Variants in SOX6 observed in about 807,000 individuals in gnomAD.
SOX6 encodes the protein SRY-box transcription factor 6, also known as transcription factor SOX-6.
A neutral mutation model predicts 97.8 loss-of-function variants in SOX6; 11 were observed. The observed-to-expected ratio is 0.11, with a 90% CI of 0.07 to 0.19. SOX6 has a LOEUF of 0.19. Among genes scored for constraint, SOX6 ranks in the 10% least tolerant of loss-of-function variants. The pLI is 1.00. For missense variants in SOX6, 810 were observed against 1,039.5 expected (o/e 0.78, Z 3.04); for synonymous variants, 360 against 371.4 (o/e 0.97, Z 0.35).
intron 13 of SOX6, among the ~76,000 whole-genome samples, chr11:16,002,247 T>C (rs1321198069): frequency 6.6e-6 from 1 of 152,190 alleles, no homozygotes; most frequent in Non-Finnish European, 1.5e-5. Flanking sequence ...GTTAATGTTT[T>C]TCATCTGAGC....
intron 1 of SOX6, among the ~76,000 whole-genome samples, chr11:16,353,462 A>C (rs532523109): frequency 6.6e-6 from 1 of 152,210 alleles, no homozygotes; most frequent in South Asian, 2.1e-4. Context: ...AGCTGAAGAA[A>C]GGTTTTTACC....
At chr11:16,223,085 G>A (rs1001808509) in intron 4 of SOX6, among the ~76,000 whole-genome samples, 2 of 151,882 alleles carry the variant, frequency 1.3e-5, no homozygotes, top group African/African-American at 2.4e-5. Flanking sequence ...AATTTTCTAG[G>A]TATATATAAT....
chr11:16,070,566 G>A lies in SOX6; in HGVS notation c.1102-14665C>T, dbSNP rs111646597. ...GGGCCAAGATGGTAGACTAGAAGCA[G>A]CCCATGTGTGCTGCTCTCACAGAGA... On this transcript the variant is annotated intron_variant, in intron 9 of 15. Coordinates refer to ENST00000683767, the MANE Select transcript of SOX6 (RefSeq NM_001367873.1). 7.6e-3 allele frequency among the ~76,000 whole-genome samples: 1,154 copies of A among 152,232 alleles called. 18 individuals carry two copies. The highest frequency in any genetic ancestry group is 0.027 in the African/African-American group (1,103 of 41,530).
At chr11:16,209,623 T>C (rs1052505214) in intron 4 of SOX6, among the ~76,000 whole-genome samples, 4 of 152,028 alleles carry the variant, frequency 2.6e-5, no homozygotes, top group African/African-American at 9.7e-5. Flanking sequence ...GGCGTGGTGG[T>C]GAGTGCCTGT....
intron 2 of SOX6, among the ~76,000 whole-genome samples, chr11:16,732,447 T>A (rs895875237): frequency 1.3e-5 from 2 of 152,174 alleles, no homozygotes; most frequent in African/African-American, 4.8e-5. Flanking sequence ...TCTACAACTA[T>A]CTGATCTTTG....
At chr11:16,334,115 T>C (rs189585492) in intron 2 of SOX6, among the ~76,000 whole-genome samples, 59 of 152,136 alleles carry the variant, frequency 3.9e-4, no homozygotes, top group African/African-American at 1.4e-3. Flanking sequence ...TTGGATCTTA[T>C]ACAGACTTAA....
intron 1 of SOX6, chr11:16,408,659 A>G (rs1468995368): frequency 1.3e-5 from 2 of 152,054 alleles, no homozygotes; most frequent in Non-Finnish European, 2.9e-5. Flanking sequence ...ATGAAATGAG[A>G]TGAAACATGG....
At chr11:16,331,641 T>A (rs935551685) in intron 2 of SOX6, among the ~76,000 whole-genome samples, 3 of 147,640 alleles carry the variant, frequency 2.0e-5, no homozygotes, top group Non-Finnish European at 3.0e-5. Context: ...CTAGAACAAG[T>A]ACAAAGAGAC....
chr11:16,076,647 T>C (rs1193216417), intron 9 of SOX6, among the ~76,000 whole-genome samples: 2 of 151,494 alleles, frequency 1.3e-5, no homozygotes, highest in Non-Finnish European at 2.9e-5. Flanking sequence ...CCTAGGAAAC[T>C]TATAATCATG....
intron 3 of SOX6, among the ~76,000 whole-genome samples, chr11:16,641,017 G>T (rs904044965): frequency 3.3e-5 from 5 of 152,116 alleles, no homozygotes; most frequent in African/African-American, 1.2e-4. Flanking sequence ...GTCCATTTTA[G>T]ATCTTTCCTG....
At chr11:16,113,590 A>C (rs1474639636) in intron 6 of SOX6, among the ~76,000 whole-genome samples, 1 of 152,174 alleles carries the variant, frequency 6.6e-6, no homozygotes, top group African/African-American at 2.4e-5. Flanking sequence ...AATAAAACAC[A>C]ATATTTTTAT....
intron 9 of SOX6, among the ~76,000 whole-genome samples, chr11:16,072,637 A>T (rs573131715): frequency 2.6e-5 from 4 of 152,206 alleles, no homozygotes; most frequent in African/African-American, 9.6e-5. Context: ...TCCCTAAGAC[A>T]TACAGTCATC....
At chr11:16,081,393 T>G (rs1046722662) in intron 9 of SOX6, among the ~76,000 whole-genome samples, 1 of 152,098 alleles carries the variant, frequency 6.6e-6, no homozygotes, top group African/African-American at 2.4e-5. Context: ...TTATTGTCAA[T>G]TTAAAGATGA....
At chr11:16,302,984 T>G (rs1303400639) in intron 3 of SOX6, among the ~76,000 whole-genome samples, 2 of 152,168 alleles carry the variant, frequency 1.3e-5, no homozygotes, top group African/African-American at 4.8e-5. Context: ...AAAAACAATA[T>G]TTATCTCTGT....
chr11:16,136,567 T>G lies in SOX6; in HGVS notation c.778-24644A>C, dbSNP rs189598188. Among the ~76,000 whole-genome samples the G allele has an allele frequency of 2.6e-3, 389 of 152,112 alleles. 1 individual carries two copies. The highest frequency in any genetic ancestry group is 4.4e-3 in the Non-Finnish European group (297 of 67,994). On this transcript the variant is annotated intron_variant, in intron 6 of 15. Coordinates refer to ENST00000683767, the MANE Select transcript of SOX6 (RefSeq NM_001367873.1). ...AAGCACATGCCTAATTTTTGAAAATTTTTTTGTAGAGATATGGTCACACCC... is the reference window on the plus strand; with the variant it reads ...AAGCACATGCCTAATTTTTGAAAATGTTTTTGTAGAGATATGGTCACACCC...
intron 1 of SOX6, among the ~76,000 whole-genome samples, chr11:16,377,033 A>G (rs1356310671): frequency 2.0e-5 from 3 of 152,040 alleles, no homozygotes; most frequent in Non-Finnish European, 4.4e-5. Flanking sequence ...TTTTATTTAA[A>G]AAAAAAAAGT....
chr11:16,338,434 C>T (rs1856532271), intron 2 of SOX6, among the ~76,000 whole-genome samples: 1 of 151,750 alleles, frequency 6.6e-6, no homozygotes. Context: ...TGTTTTTTTT[C>T]CTGTAAGTGT....
intron 9 of SOX6, among the ~76,000 whole-genome samples, chr11:16,081,894 T>G (rs1848479997): frequency 6.6e-6 from 1 of 152,162 alleles, no homozygotes; most frequent in Non-Finnish European, 1.5e-5. Flanking sequence ...AATTTTATCG[T>G]TTCCACATTA....
chr11:16,043,862 T>G (rs1336549810), intron 12 of SOX6, among the ~76,000 whole-genome samples: 1 of 152,054 alleles, frequency 6.6e-6, no homozygotes, highest in Non-Finnish European at 1.5e-5. Flanking sequence ...CAAGGTCATG[T>G]CCTCTTCCCA....
Sources: gnomAD v4.1 joint callset for allele counts (sites outside exome capture counted in the v4.1 genomes callset) on GRCh38, gnomAD v4.1.1 for gene constraint, MANE v1.5 for transcripts, NCBI Gene and HGNC (gene_info 2026-07-23, HGNC 2026-07-21) for gene names.